MRGPRX2: variants seen among roughly 807,000 people sequenced by gnomAD.
The protein encoded by MRGPRX2 is mas-related G protein-coupled receptor member X2.
For synonymous variants in MRGPRX2, 183 were observed against 175.6 expected, an observed-to-expected ratio of 1.04 and a Z score of -0.33; for missense variants, 389 against 404.5, an observed-to-expected ratio of 0.96 and a Z score of 0.33.
At position 19,055,511 on chromosome 11, in the gene MRGPRX2, GC is replaced by G. The variant is rs767968759; in HGVS notation, c.891del (p.Lys297AsnfsTer79). On this transcript the variant is annotated frameshift_variant, in exon 2 of 2. Transcript: ENST00000329773. LOFTEE classifies it low-confidence loss of function (END_TRUNC). ...KQWRLQQPILKLALQRALQDI... is the reference protein window; with the variant it reads ...KQWRLQQPILXLALQRALQDI... ...TCCTGCAGAGCCCTCTGGAGAGCCA[GC>G]TTGAGGATCGGCTGCTGCAGCCGCC... is the stretch of plus-strand genomic sequence containing the variant. 6.2e-7 allele frequency: 1 copy of G among 1,614,204 alleles called. No individual in the cohort carries two copies. Among genetic ancestry groups the G allele is most frequent in the Non-Finnish European group, 8.5e-7 (1 of 1,180,042 alleles).
chr11:19,055,528 T>A lies in MRGPRX2; in HGVS notation c.875A>T (p.Gln292Leu). ...GAGAGCCAGCTTGAGGATCGGCTGCTGCAGCCGCCACTGCTTCCTAAAAGA... is the reference window on the plus strand; with the variant it reads ...GAGAGCCAGCTTGAGGATCGGCTGCAGCAGCCGCCACTGCTTCCTAAAAGA... Reference protein sequence around the residue: ...VGSFRKQWRLQQPILKLALQR... With the variant: ...VGSFRKQWRLLQPILKLALQR... The change falls in exon 2 of 2, where the codon CAG becomes CTG. Residue 292 changes from glutamine to leucine, a missense_variant. Gln to Leu is a moderately radical substitution (Grantham distance 113). Coordinates refer to ENST00000329773, the MANE Select transcript of MRGPRX2 (RefSeq NM_054030.4). 6.2e-7 allele frequency: 1 copy of A among 1,613,254 alleles called. No homozygotes were observed. The highest frequency in any genetic ancestry group is 1.3e-5 in the African/African-American group (1 of 75,038).
chr11:19,057,677 T>C (rs779158503), intron 1 of MRGPRX2, among the ~76,000 whole-genome samples: 1 of 152,222 alleles, frequency 6.6e-6, no homozygotes, highest in Non-Finnish European at 1.5e-5. Context: ...AAAAGGCAGA[T>C]GCTTATGCAA....
chr11:19,057,507 G>A (rs909154474), intron 1 of MRGPRX2, among the ~76,000 whole-genome samples: 1 of 152,198 alleles, frequency 6.6e-6, no homozygotes, highest in East Asian at 1.9e-4. Flanking sequence ...TAACTAGAGG[G>A]TGTTGTGGTA....
intron 1 of MRGPRX2, among the ~76,000 whole-genome samples, chr11:19,059,512 A>G (rs1849648933): frequency 6.6e-6 from 1 of 152,190 alleles, no homozygotes. Context: ...TGTACTCCCA[A>G]TCCCTTTTTT....
In MRGPRX2 at chr11:19,056,131, C is replaced by G; in HGVS notation, c.272G>C (p.Ser91Thr). Residue 91 changes from serine to threonine, a missense_variant, in exon 2 of 2, where the codon AGT (serine) becomes ACT (threonine). Coordinates refer to ENST00000329773, the MANE Select transcript of MRGPRX2 (RefSeq NM_054030.4). ...GATGGAGATGGAACAGAAGAAGTTA[C>G]TGAGGTACACCAGGCAATTTATAAT... ...FQIINCLVYL[S>T]NFFCSISINF... The G allele has an allele frequency of 6.2e-7, 1 of 1,614,202 alleles. No homozygotes were observed. Among genetic ancestry groups the G allele is most frequent in the African/African-American group, 1.3e-5 (1 of 75,052 alleles).
At chr11:19,057,715 A>G (rs552784991) in intron 1 of MRGPRX2, among the ~76,000 whole-genome samples, 4 of 152,394 alleles carry the variant, frequency 2.6e-5, no homozygotes, top group African/African-American at 7.2e-5. Flanking sequence ...GCCCTTACTC[A>G]TAATGGGGTG....
intron 1 of MRGPRX2, among the ~76,000 whole-genome samples, chr11:19,058,490 G>A (rs575196027): frequency 1.7e-3 from 253 of 150,336 alleles, no homozygotes; most frequent in African/African-American, 5.6e-3. Context: ...GCTCGATCTC[G>A]GCTCACTGCA....
chr11:19,060,105 C>G (rs1368299683), intron 1 of MRGPRX2, among the ~76,000 whole-genome samples: 2 of 152,188 alleles, frequency 1.3e-5, no homozygotes, highest in Non-Finnish European at 2.9e-5. Flanking sequence ...GACCTAGCAA[C>G]GGTAACAGCC....
chr11:19,057,974 A>G (rs1174633364), intron 1 of MRGPRX2, among the ~76,000 whole-genome samples: 1 of 152,262 alleles, frequency 6.6e-6, no homozygotes, highest in Non-Finnish European at 1.5e-5. Context: ...TACCAACTAC[A>G]CATGAAGAAA....
rs10833049 is a variant in MRGPRX2, at chr11:19,056,218, T to G, written c.185A>C (p.Asn62Thr). Residue 62 changes from asparagine to threonine, a missense_variant, in exon 2 of 2, where the codon AAC becomes ACC. Asn to Thr is a moderately conservative substitution (Grantham distance 65). Coordinates refer to ENST00000329773, the MANE Select transcript of MRGPRX2 (RefSeq NM_054030.4). ...LWLLGFRMRR[N>T]AFSVYVLSLA... ...GCTGAGGACGTAGACAGAGAAGGCG[T>G]TCCTGCGCATGCGGAAGCCCAGGAG... The G allele has an allele frequency of 1.7e-5, 28 of 1,613,932 alleles. No individual in the cohort carries two copies. In the African/African-American group the frequency reaches 2.8e-4, roughly 16 times the overall value.
rs1444750890 is a variant in MRGPRX2 at position 19,055,322 on chromosome 11, A to G, written c.*88T>C. ...CTCTCTTAACTGTTTTAAAATCAGG[A>G]CTGAGAAAGTTCAGCAAATCAGACA... On this transcript the variant is annotated 3_prime_UTR_variant, in exon 2 of 2. Transcript: ENST00000329773. The G allele has an allele frequency of 4.4e-6, 6 of 1,364,048 alleles. No individual in the cohort carries two copies. The highest frequency in any genetic ancestry group is 4.0e-6 in the Non-Finnish European group (4 of 992,526). The allele number at this position is 1,364,048 out of a possible 1,614,324, so 84.5% of individuals were successfully genotyped here. A position where few individuals can be genotyped will look rare whatever the true frequency, so the allele number is the denominator to read the frequency against.
Position 19,055,959 on chromosome 11 carries a change from G to A in MRGPRX2, c.444C>T (p.Val148=), listed in dbSNP as rs147098042. The change falls in exon 2 of 2, where the codon GTC becomes GTT. Residue 148 remains valine, a synonymous_variant. Coordinates refer to ENST00000329773, the MANE Select transcript of MRGPRX2 (RefSeq NM_054030.4). Reference sequence around the variant, plus strand: ...ACAGGGCCCAGAGCAGGACACACACGACCGCTGACAGGTGTCTGGGGCGGC... The same window carrying A: ...ACAGGGCCCAGAGCAGGACACACACAACCGCTGACAGGTGTCTGGGGCGGC... ...RCRRPRHLSA[V]VCVLLWALSL... is the part of the protein sequence containing the mutation. The A allele has an allele frequency of 3.1e-6, 5 of 1,614,068 alleles. No homozygotes were observed. The African/African-American group carries it at 5.3e-5, about 17-fold the overall frequency.
rs1849638758 is a variant in MRGPRX2 at position 19,058,509 on chromosome 11, C to T, written c.-25-2082G>A. ...GATCTCGGCTCACTGCAAGCTCCGC[C>T]TCCTGGGCTCACGCCATTCTCCTGC... On this transcript the variant is annotated intron_variant, in intron 1 of 1. Transcript: ENST00000329773. 1.3e-5 allele frequency among the ~76,000 whole-genome samples: 2 copies of T among 151,976 alleles called. 1 individual carries two copies. The highest frequency in any genetic ancestry group is 1.3e-4 in the Admixed American group (2 of 15,278).
At chr11:19,056,515 T>A in intron 1 of MRGPRX2, 88 bp from the exon 2 acceptor site, 1 of 1,295,944 alleles carries the variant, frequency 7.7e-7, no homozygotes, top group Non-Finnish European at 1.1e-6. Context: ...CGCCCCTGTT[T>A]TACAGGAGAG....
At position 19,056,267 on chromosome 11, in the gene MRGPRX2, C is replaced by G. The variant is rs370712343; in HGVS notation, c.136G>C (p.Val46Leu). 1.7e-5 allele frequency: 28 copies of G among 1,614,242 alleles called. No individual in the cohort carries two copies. Among genetic ancestry groups the G allele is most frequent in the Non-Finnish European group, 2.4e-5 (28 of 1,180,038 alleles). ...LILFIALVGL[V>L]GNGFVLWLLG... ...AGCCAGAGCACAAACCCGTTTCCTA[C>G]CAGCCCGACCAGGGCAATGAAAAGG... The change falls in exon 2 of 2, where the codon GTA (valine) becomes CTA (leucine). Residue 46 changes from valine to leucine, a missense_variant. By Grantham distance (32) the Val-to-Leu change is conservative. Coordinates refer to ENST00000329773, the MANE Select transcript of MRGPRX2 (RefSeq NM_054030.4).
chr11:19,057,479 G>T (rs965478049), intron 1 of MRGPRX2, among the ~76,000 whole-genome samples: 1 of 152,216 alleles, frequency 6.6e-6, no homozygotes, highest in East Asian at 1.9e-4. Context: ...GCAATTGAGA[G>T]TGTCTAGTGT....
chr11:19,057,377 A>T (rs1002558738), intron 1 of MRGPRX2, among the ~76,000 whole-genome samples: 2 of 152,120 alleles, frequency 1.3e-5, no homozygotes, highest in Non-Finnish European at 2.9e-5. Context: ...AAGAGTTTAA[A>T]CTTCCAGTTT....
chr11:19,058,587 A>AT (rs1437826024), intron 1 of MRGPRX2, among the ~76,000 whole-genome samples: 1 of 151,278 alleles, frequency 6.6e-6, no homozygotes, highest in South Asian at 2.1e-4. Flanking sequence ...CGACTGGCTA[A>AT]TTTTTTGTAT....
chr11:19,055,179 C>G lies in MRGPRX2; in HGVS notation c.*231G>C, dbSNP rs1849600894. 1 of 498,970 alleles carries G rather than the reference C, an allele frequency of 2.0e-6. No individual in the cohort carries two copies. Among genetic ancestry groups the G allele is most frequent in the South Asian group, 3.7e-5 (1 of 27,276 alleles). The allele number at this position is 498,970 out of a possible 1,614,324, so 30.9% of individuals were successfully genotyped here. ...ATTAAAAGTGGGAACAGTCATGGACCGCAGAGTTGGCAAAGCTCTCATAGG... is the reference window on the plus strand; with the variant it reads ...ATTAAAAGTGGGAACAGTCATGGACGGCAGAGTTGGCAAAGCTCTCATAGG... On this transcript the variant is annotated 3_prime_UTR_variant, in exon 2 of 2. Coordinates refer to ENST00000329773, the MANE Select transcript of MRGPRX2 (RefSeq NM_054030.4).
Sources: gnomAD v4.1 joint callset for allele counts (sites outside exome capture counted in the v4.1 genomes callset) on GRCh38, gnomAD v4.1.1 for gene constraint, MANE v1.5 for transcripts, NCBI Gene and HGNC (gene_info 2026-07-23, HGNC 2026-07-21) for gene names.